CDC123: variants seen among roughly 807,000 people sequenced by gnomAD.
CDC123 encodes the protein translation initiation factor eIF2 assembly protein.
CDC123 carries 37 observed loss-of-function variants against 54.4 expected under a neutral mutation model. The ratio of observed to expected loss-of-function variants is 0.68; its 90% CI spans 0.52 to 0.89. The LOEUF (loss-of-function observed/expected upper bound fraction) is 0.89, where lower values mean the gene tolerates loss of function less well. Ranked by LOEUF, CDC123 falls within the 40% of genes least tolerant of loss-of-function variation. The probability of loss-of-function intolerance (pLI) is 0.00; values close to 1 mark genes in which losing one functional copy is unlikely to be tolerated. For missense variants in CDC123, 361 were observed against 412.1 expected, an observed-to-expected ratio of 0.88 and a Z score of 1.07; for synonymous variants, 144 against 136.8, an observed-to-expected ratio of 1.05 and a Z score of -0.37.
At chr10:12,246,458 C>G (rs996077772) in intron 11 of CDC123, 181 bp downstream of exon 11, 13 of 572,030 alleles carry the variant, frequency 2.3e-5, no homozygotes, top group Non-Finnish European at 2.4e-5. Context: ...CCCCACTTAA[C>G]TTTATATACA....
At chr10:12,222,576 T>A (rs1175196952) in intron 6 of CDC123, among the ~76,000 whole-genome samples, 2 of 152,258 alleles carry the variant, frequency 1.3e-5, no homozygotes, top group Non-Finnish European at 1.5e-5. Context: ...CTGCTTTCAT[T>A]ATTTTATTGT....
At chr10:12,202,676 G>A (rs750362422) in intron 2 of CDC123, among the ~76,000 whole-genome samples, 1 of 152,212 alleles carries the variant, frequency 6.6e-6, no homozygotes, top group African/African-American at 2.4e-5. Context: ...AGAGCAGCTC[G>A]CAGAACTGAG....
chr10:12,234,939 A>T, intron 7 of CDC123, 109 bp from the exon 8 acceptor site: 1 of 771,980 alleles, frequency 1.3e-6, no homozygotes, highest in Non-Finnish European at 2.1e-6. Context: ...CTCTTTTTTT[A>T]AAACCATTTG....
At chr10:12,215,242 TA>T (rs1303894078) in intron 4 of CDC123, among the ~76,000 whole-genome samples, 2 of 152,246 alleles carry the variant, frequency 1.3e-5, no homozygotes, top group Non-Finnish European at 2.9e-5. Context: ...TAGCAGTGTT[TA>T]AATACAGTTT....
intron 10 of CDC123, 47 bp from the exon 11 acceptor site, chr10:12,246,100 CAG>C (rs770330457): frequency 1.9e-5 from 30 of 1,583,534 alleles, no homozygotes; most frequent in Admixed American, 1.1e-4. Flanking sequence ...TCTCAGAAGA[CAG>C]AGTACAGAAG....
intron 6 of CDC123, among the ~76,000 whole-genome samples, chr10:12,226,149 A>G (rs1460924449): frequency 6.6e-6 from 1 of 152,150 alleles, no homozygotes; most frequent in Non-Finnish European, 1.5e-5. Context: ...GGAGTCTCCC[A>G]TGTCTACTTC....
intron 2 of CDC123, among the ~76,000 whole-genome samples, chr10:12,207,332 A>G (rs1458195988): frequency 2.6e-5 from 4 of 152,020 alleles, no homozygotes; most frequent in Non-Finnish European, 5.9e-5. Flanking sequence ...TTCCTTTTTT[A>G]TAGCCTCCTG....
At chr10:12,214,579 C>T (rs1835640686) in intron 4 of CDC123, among the ~76,000 whole-genome samples, 1 of 152,194 alleles carries the variant, frequency 6.6e-6, no homozygotes, top group African/African-American at 2.4e-5. Context: ...CTAATTGGAC[C>T]TTAAGCTCTC....
chr10:12,250,157 C>A, intron 12 of CDC123, 154 bp from the exon 13 acceptor site: 1 of 514,692 alleles, frequency 1.9e-6, no homozygotes, highest in Admixed American at 3.9e-5. Flanking sequence ...GCTCAGGAGT[C>A]AAAGTGATAA....
chr10:12,239,123 C>G (rs989776722), intron 10 of CDC123, among the ~76,000 whole-genome samples: 4 of 151,938 alleles, frequency 2.6e-5, no homozygotes, highest in African/African-American at 9.7e-5. Context: ...CCACTGCTCT[C>G]CAGCCAGGGT....
chr10:12,242,148 G>A (rs372809742), intron 10 of CDC123, among the ~76,000 whole-genome samples: 5 of 152,234 alleles, frequency 3.3e-5, no homozygotes, highest in South Asian at 2.1e-4. Context: ...ACCTATTCCC[G>A]CAACAGGCGG....
At chr10:12,212,911 CTA>C (rs1835621516) in intron 4 of CDC123, among the ~76,000 whole-genome samples, 1 of 152,146 alleles carries the variant, frequency 6.6e-6, no homozygotes, top group Non-Finnish European at 1.5e-5. Context: ...AAGGGATACT[CTA>C]TGTGAAGTAT....
intron 10 of CDC123, 82 bp from the exon 11 acceptor site, chr10:12,246,067 C>G: frequency 2.7e-6 from 4 of 1,472,060 alleles, no homozygotes; most frequent in Non-Finnish European, 3.7e-6. Flanking sequence ...GAGACCCTGT[C>G]TCAGAATAAA....
chr10:12,241,367 G>A (rs924354365), intron 10 of CDC123, among the ~76,000 whole-genome samples: 1 of 151,786 alleles, frequency 6.6e-6, no homozygotes. Flanking sequence ...TCTGGCTTTT[G>A]AATTTCAGCC....
At chr10:12,234,147 C>T (rs1467719189) in intron 7 of CDC123, among the ~76,000 whole-genome samples, 1 of 152,124 alleles carries the variant, frequency 6.6e-6, no homozygotes, top group African/African-American at 2.4e-5. Flanking sequence ...GGCTGGAGTG[C>T]AGTGTGGCGC....
intron 11 of CDC123, among the ~76,000 whole-genome samples, chr10:12,248,434 G>A (rs1836189191): frequency 6.7e-6 from 1 of 149,174 alleles, no homozygotes; most frequent in South Asian, 2.1e-4. Context: ...GCTTGAACCT[G>A]GAAGGCGGAT....
chr10:12,238,509 T>C (rs1836008773), intron 10 of CDC123, 24 bp downstream of exon 10: 1 of 1,606,342 alleles, frequency 6.2e-7, no homozygotes, highest in Non-Finnish European at 8.5e-7. Flanking sequence ...CTTTCTGATA[T>C]GCTTTAATAT....
chr10:12,234,321 C>T (rs1835947540), intron 7 of CDC123, among the ~76,000 whole-genome samples: 1 of 152,172 alleles, frequency 6.6e-6, no homozygotes, highest in African/African-American at 2.4e-5. Context: ...GCGATCTGGG[C>T]TCTCTACAAC....
chr10:12,213,502 A>G (rs1835629092), intron 4 of CDC123, among the ~76,000 whole-genome samples: 1 of 152,168 alleles, frequency 6.6e-6, no homozygotes, highest in South Asian at 2.1e-4. Context: ...AAGGGACCTG[A>G]CAACTAGATT....
Sources: gnomAD v4.1 joint callset for allele counts (sites outside exome capture counted in the v4.1 genomes callset) on GRCh38, gnomAD v4.1.1 for gene constraint, MANE v1.5 for transcripts, NCBI Gene and HGNC (gene_info 2026-07-23, HGNC 2026-07-21) for gene names.